Variants in PTPRM observed in about 807,000 individuals in gnomAD.
The protein encoded by PTPRM is protein tyrosine phosphatase receptor type M, also known as receptor-type tyrosine-protein phosphatase mu.
A neutral mutation model predicts 186.7 loss-of-function variants in PTPRM; 47 were observed. The observed-to-expected ratio is 0.25, with a 90% CI of 0.20 to 0.32. The LOEUF is 0.32. Ranked by LOEUF, PTPRM falls within the 10% of genes least tolerant of loss-of-function variation. PTPRM has a pLI of 1.00. For missense variants in PTPRM, 1,494 were observed against 1,865.0 expected, an observed-to-expected ratio of 0.80 and a Z score of 3.66; for synonymous variants, 668 against 674.9, an observed-to-expected ratio of 0.99 and a Z score of 0.16.
At chr18:8,281,583 G>A (rs943953932) in intron 19 of PTPRM, among the ~76,000 whole-genome samples, 37 of 152,210 alleles carry the variant, frequency 2.4e-4, no homozygotes, top group African/African-American at 8.7e-4. Flanking sequence ...AGCTTCTTTT[G>A]CCTCAACTCT....
intron 7 of PTPRM, among the ~76,000 whole-genome samples, chr18:7,978,231 C>G (rs1239574357): frequency 6.6e-6 from 1 of 152,164 alleles, no homozygotes; most frequent in Non-Finnish European, 1.5e-5. Flanking sequence ...CCAGATAAAA[C>G]TGACATGAAC....
chr18:7,861,767 T>TGAGAGA (rs138096586), intron 2 of PTPRM, among the ~76,000 whole-genome samples: 132 of 148,186 alleles, frequency 8.9e-4, no homozygotes, highest in African/African-American at 3.2e-3. Context: ...TGTGTGTGTG[T>TGAGAGA]GAGAGAGAGA....
At chr18:8,367,355 G>T (rs1329715402) in intron 23 of PTPRM, among the ~76,000 whole-genome samples, 3 of 152,268 alleles carry the variant, frequency 2.0e-5, no homozygotes, top group Non-Finnish European at 4.4e-5. Flanking sequence ...TGCCCAGCAC[G>T]CATTCTAGAA....
At chr18:8,115,878 A>G (rs1172627722) in intron 13 of PTPRM, among the ~76,000 whole-genome samples, 1 of 152,176 alleles carries the variant, frequency 6.6e-6, no homozygotes, top group Non-Finnish European at 1.5e-5. Flanking sequence ...AGCTCAACAA[A>G]TATTTCTTGG....
intron 1 of PTPRM, among the ~76,000 whole-genome samples, chr18:7,759,480 T>G (rs1465123452): frequency 6.6e-6 from 1 of 152,256 alleles, no homozygotes; most frequent in African/African-American, 2.4e-5. Context: ...CTTGGTATAT[T>G]AAACATATCC....
intron 11 of PTPRM, among the ~76,000 whole-genome samples, chr18:8,110,609 C>G (rs142965235): frequency 1.3e-5 from 2 of 152,072 alleles, no homozygotes; most frequent in Non-Finnish European, 2.9e-5. Context: ...CACAGTGCTC[C>G]GAGGACACCA....
Position 7,875,449 on chromosome 18 carries a change from G to A in PTPRM, c.197-12657G>A, listed in dbSNP as rs531338621. ...AGCGATTCTCCTGCCTCAGCCTCCC[G>A]AGTAGCTGGAACTACAGGCGTGCAC... On this transcript the variant is annotated intron_variant, in intron 2 of 32. Transcript: ENST00000580170. Among the ~76,000 whole-genome samples the A allele has an allele frequency of 4.0e-5, 6 of 151,236 alleles. No homozygotes were observed. In the East Asian group the frequency reaches 6.0e-4, roughly 15 times the overall value.
At chr18:8,261,016 A>G (rs111557879) in intron 19 of PTPRM, among the ~76,000 whole-genome samples, 3,318 of 152,262 alleles carry the variant, frequency 0.022, 54 homozygotes, top group South Asian at 0.058. Context: ...CAGCTGACAG[A>G]ACATTGCCTG....
chr18:8,207,247 A>ACG (rs2093944290), intron 14 of PTPRM, among the ~76,000 whole-genome samples: 1 of 152,208 alleles, frequency 6.6e-6, no homozygotes, highest in African/African-American at 2.4e-5. Context: ...TTTTCACCGG[A>ACG]TGATATTTCA....
intron 5 of PTPRM, among the ~76,000 whole-genome samples, chr18:7,943,536 T>C (rs2052330035): frequency 6.6e-6 from 1 of 152,176 alleles, no homozygotes; most frequent in Non-Finnish European, 1.5e-5. Flanking sequence ...TGGCATCCTA[T>C]TGCTGCTGTA....
intron 11 of PTPRM, among the ~76,000 whole-genome samples, chr18:8,107,477 T>G (rs2091573886): frequency 6.6e-6 from 1 of 152,242 alleles, no homozygotes; most frequent in Non-Finnish European, 1.5e-5. Context: ...CTGTAATTAA[T>G]ATTTTATTAT....
intron 1 of PTPRM, among the ~76,000 whole-genome samples, chr18:7,641,202 C>T (rs992434054): frequency 6.6e-6 from 1 of 152,102 alleles, no homozygotes; most frequent in Non-Finnish European, 1.5e-5. Context: ...CTTCCTTCTC[C>T]AGGGACCTTG....
intron 2 of PTPRM, among the ~76,000 whole-genome samples, chr18:7,791,497 A>G (rs1398305105): frequency 1.2e-4 from 19 of 152,194 alleles, no homozygotes; most frequent in Admixed American, 1.2e-3. Context: ...CATCTTCAAC[A>G]TGTATTTTCC....
chr18:7,743,515 A>ATT (rs2144528046), intron 1 of PTPRM, among the ~76,000 whole-genome samples: 1 of 152,342 alleles, frequency 6.6e-6, no homozygotes. Flanking sequence ...TTACATGACA[A>ATT]ATTTTGAATA....
intron 23 of PTPRM, among the ~76,000 whole-genome samples, chr18:8,357,202 G>A (rs146838684): frequency 1.4e-4 from 21 of 152,344 alleles, no homozygotes; most frequent in African/African-American, 4.1e-4. Flanking sequence ...CATGAATTGT[G>A]TAGAGGATCT....
At chr18:7,898,097 A>C (rs915292550) in intron 3 of PTPRM, among the ~76,000 whole-genome samples, 1 of 152,196 alleles carries the variant, frequency 6.6e-6, no homozygotes, top group Non-Finnish European at 1.5e-5. Flanking sequence ...TCTTAATGTG[A>C]CATGTTTTGT....
intron 7 of PTPRM, among the ~76,000 whole-genome samples, chr18:7,984,027 A>T (rs140331044): frequency 2.0e-4 from 31 of 152,334 alleles, no homozygotes; most frequent in African/African-American, 7.0e-4. Flanking sequence ...GTAACTTGTT[A>T]GAATATGGTG....
chr18:7,570,340 G>C (rs997401151), intron 1 of PTPRM, among the ~76,000 whole-genome samples: 3 of 152,178 alleles, frequency 2.0e-5, no homozygotes, highest in African/African-American at 7.2e-5. Context: ...AGAAATTGTA[G>C]TAATTGGCTG....
intron 14 of PTPRM, among the ~76,000 whole-genome samples, chr18:8,163,209 C>G (rs776743299): frequency 2.0e-5 from 3 of 152,214 alleles, no homozygotes; most frequent in Non-Finnish European, 2.9e-5. Context: ...TCATTTGAAT[C>G]TCCAAACAAC....
Sources: allele counts gnomAD v4.1 joint callset (sites outside exome capture counted in the v4.1 genomes callset), GRCh38; gene constraint gnomAD v4.1.1; transcripts MANE v1.5; gene names NCBI Gene and HGNC (gene_info 2026-07-23, HGNC 2026-07-21).